The following CEP120 variants were observed in gnomAD, a reference collection of about 807,000 sequenced individuals.
CEP120 encodes the protein centrosomal protein 120, also known as centrosomal protein of 120 kDa.
Under a neutral mutation model 126.5 loss-of-function variants are expected in CEP120, and 113 were observed. That is an observed-to-expected ratio of 0.89 (90% CI 0.77 to 1.04). CEP120 has a LOEUF of 1.04. Among genes scored for constraint, CEP120 ranks in the 50% least tolerant of loss-of-function variants. CEP120 has a pLI of 0.00. For missense variants in CEP120, 1,230 were observed against 1,155.7 expected, an observed-to-expected ratio of 1.06 and a Z score of -0.93; for synonymous variants, 400 against 394.3, an observed-to-expected ratio of 1.01 and a Z score of -0.17.
At position 123,423,331 on chromosome 5, in the gene CEP120, C is replaced by T; in HGVS notation, c.-333G>A. The T allele has an allele frequency of 2.9e-6, 1 of 348,558 alleles. No homozygotes were observed. The highest frequency in any genetic ancestry group is 5.3e-6 in the Non-Finnish European group (1 of 190,098). 21.6% of individuals were successfully genotyped at this position (348,558 alleles called of 1,614,324 possible). On this transcript the variant is annotated 5_prime_UTR_variant, in exon 1 of 20. Transcript: ENST00000306467. ...TCAAACGCCCGGGCGGCCGCAGCGG[C>T]CGCCGCCGCGCCCAGCTTCCGCCTA... is the stretch of plus-strand genomic sequence containing the variant.
intron 5 of CEP120, among the ~76,000 whole-genome samples, chr5:123,398,096 TG>T (rs1275613719): frequency 7.9e-5 from 12 of 152,068 alleles, no homozygotes; most frequent in Admixed American, 7.9e-4. Flanking sequence ...GGGGAAAAAG[TG>T]GGGAGGGGAA....
At chr5:123,385,891 C>T (rs761148027) in intron 10 of CEP120, among the ~76,000 whole-genome samples, 3 of 152,156 alleles carry the variant, frequency 2.0e-5, no homozygotes, top group Non-Finnish European at 2.9e-5. Flanking sequence ...AGGTGTAAGT[C>T]ACCATGCCAG....
intron 18 of CEP120, among the ~76,000 whole-genome samples, chr5:123,351,810 C>A (rs1769216227): frequency 6.6e-6 from 1 of 150,636 alleles, no homozygotes; most frequent in Non-Finnish European, 1.5e-5. Context: ...TAGATTTTTC[C>A]ACTTGTGGTG....
chr5:123,346,424 A>G lies in CEP120; in HGVS notation c.*95T>C. The G allele has an allele frequency of 1.1e-6, 1 of 919,896 alleles. No individual in the cohort carries two copies. The highest frequency in any genetic ancestry group is 1.7e-5 in the African/African-American group (1 of 59,760). 57.0% of individuals were successfully genotyped at this position (919,896 alleles called of 1,614,324 possible). On this transcript the variant is annotated 3_prime_UTR_variant, in exon 20 of 20. Transcript: ENST00000306467. ...ATTTTGCTTATAAAAAATTGAAAAT[A>G]CCATTTTAAAACATCCATTTTCCTC...
rs1157517804 is a variant in CEP120, at chr5:123,385,070, A to G, written c.1644T>C (p.Ile548=). 6.2e-7 allele frequency: 1 copy of G among 1,613,820 alleles called. No homozygotes were observed. The highest frequency in any genetic ancestry group is 8.5e-7 in the Non-Finnish European group (1 of 1,179,820). ...DKMSKDLLLG[I]ARIQLSNILS... ...AGATGTTAGAAAGCTGGATTCTCGC[A>G]ATTCCCAGAAGTAAATCTTTACTCA... Residue 548 remains isoleucine (I), a synonymous_variant, in exon 11 of 20, where the codon ATT becomes ATC. Coordinates refer to ENST00000306467, the MANE Select transcript of CEP120 (RefSeq NM_001375405.1).
intron 2 of CEP120, among the ~76,000 whole-genome samples, chr5:123,416,522 G>C (rs903913320): frequency 6.6e-6 from 1 of 152,034 alleles, no homozygotes; most frequent in Admixed American, 6.6e-5. Flanking sequence ...AGTGAGCCGA[G>C]ATCGCGCCAC....
At chr5:123,371,087 C>G (rs1770820248) in intron 17 of CEP120, among the ~76,000 whole-genome samples, 1 of 152,024 alleles carries the variant, frequency 6.6e-6, no homozygotes, top group Non-Finnish European at 1.5e-5. Context: ...CCAGCATTCT[C>G]TTATCAGCCC....
At chr5:123,387,754 A>T (rs1772121385) in intron 9 of CEP120, among the ~76,000 whole-genome samples, 1 of 152,134 alleles carries the variant, frequency 6.6e-6, no homozygotes. Context: ...CAAACTAAAT[A>T]CATTATTGTA....
rs1006534284 is a variant in CEP120 at position 123,415,970 on chromosome 5, G to A, written c.321+40C>T. The A allele has an allele frequency of 1.2e-5, 15 of 1,290,844 alleles. No homozygotes were observed. In the African/African-American group the frequency reaches 1.9e-4, roughly 16 times the overall value. 80.0% of individuals were successfully genotyped at this position (1,290,844 alleles called of 1,614,324 possible). ...TGTTATCTACTGAAAATAATCGACTGTCTAACATAATCATTAGCAAAACAT... is the reference window on the plus strand; with the variant it reads ...TGTTATCTACTGAAAATAATCGACTATCTAACATAATCATTAGCAAAACAT... On this transcript the variant is annotated intron_variant, in intron 3 of 19. Coordinates refer to ENST00000306467, the MANE Select transcript of CEP120 (RefSeq NM_001375405.1).
chr5:123,423,621 G>C (rs552420330), upstream of CEP120: 2 of 152,054 alleles, frequency 1.3e-5, no homozygotes, highest in Admixed American at 1.3e-4. Flanking sequence ...AGCCTTTAAG[G>C]AGCGTGAGTG....
At chr5:123,362,310 T>C (rs764774245) in intron 18 of CEP120, among the ~76,000 whole-genome samples, 2 of 151,804 alleles carry the variant, frequency 1.3e-5, no homozygotes, top group Admixed American at 6.6e-5. Flanking sequence ...TCAGAGTGGC[T>C]AATTTTCTTC....
At chr5:123,373,216 C>G (rs1023857742) in intron 16 of CEP120, among the ~76,000 whole-genome samples, 1 of 152,012 alleles carries the variant, frequency 6.6e-6, no homozygotes, top group African/African-American at 2.4e-5. Context: ...TGCAAGTTAT[C>G]TGCCAACCCA....
chr5:123,413,944 A>G (rs1345289476), intron 3 of CEP120, among the ~76,000 whole-genome samples: 1 of 152,194 alleles, frequency 6.6e-6, no homozygotes, highest in Admixed American at 6.5e-5. Flanking sequence ...ATTTATTTAC[A>G]GAGAATCAAT....
chr5:123,409,535 G>A (rs1773901407), intron 4 of CEP120, among the ~76,000 whole-genome samples: 1 of 152,142 alleles, frequency 6.6e-6, no homozygotes, highest in African/African-American at 2.4e-5. Context: ...CATACTTAGA[G>A]CCTTACTAAT....
chr5:123,395,246 C>T (rs865923578), intron 5 of CEP120, among the ~76,000 whole-genome samples: 24 of 152,210 alleles, frequency 1.6e-4, no homozygotes, highest in Middle Eastern at 3.4e-3. Flanking sequence ...CTACTCTTAA[C>T]TTTCAGTATT....
chr5:123,354,692 A>G (rs913207572), intron 18 of CEP120, among the ~76,000 whole-genome samples: 12 of 152,022 alleles, frequency 7.9e-5, no homozygotes, highest in Admixed American at 5.9e-4. Context: ...TTTGCCTAAT[A>G]TTAAGTATCG....
chr5:123,403,098 T>C (rs1286409762), intron 4 of CEP120: 1 of 332,608 alleles, frequency 3.0e-6, no homozygotes, highest in Admixed American at 4.4e-5. Context: ...AGACCATATG[T>C]ATATATACAA....
intron 5 of CEP120, among the ~76,000 whole-genome samples, chr5:123,396,322 T>C (rs1301140687): frequency 6.6e-6 from 1 of 152,120 alleles, no homozygotes; most frequent in African/African-American, 2.4e-5. Context: ...TACCTAGGAG[T>C]AGTATTGCTG....
chr5:123,396,259 C>T (rs1213380304), intron 5 of CEP120, among the ~76,000 whole-genome samples: 1 of 152,130 alleles, frequency 6.6e-6, no homozygotes, highest in Non-Finnish European at 1.5e-5. Context: ...TTGCTATAAA[C>T]ACTCACATAC....
Sources: gnomAD v4.1 joint callset for allele counts (sites outside exome capture counted in the v4.1 genomes callset) on GRCh38, gnomAD v4.1.1 for gene constraint, MANE v1.5 for transcripts, NCBI Gene and HGNC (gene_info 2026-07-23, HGNC 2026-07-21) for gene names.